CPLX2: variants seen among roughly 807,000 people sequenced by gnomAD.
CPLX2 encodes the protein complexin-2.
CPLX2 carries 5 observed loss-of-function variants against 16.3 expected under a neutral mutation model. The observed-to-expected ratio is 0.31, with a 90% CI of 0.16 to 0.64. The LOEUF (loss-of-function observed/expected upper bound fraction) is 0.64, where lower values mean the gene tolerates loss of function less well. CPLX2 is among the 30% of genes least tolerant of loss of function. The probability of loss-of-function intolerance (pLI) is 0.79; values close to 1 mark genes in which losing one functional copy is unlikely to be tolerated. For synonymous variants in CPLX2, 89 were observed against 73.2 expected (o/e 1.22, Z -1.10); for missense variants, 144 against 181.4 (o/e 0.79, Z 1.18).
intron 2 of CPLX2, among the ~76,000 whole-genome samples, chr5:175,835,684 A>C (rs1286756356): frequency 4.0e-5 from 6 of 150,140 alleles, no homozygotes; most frequent in Admixed American, 1.3e-4. Context: ...TAGTAAGAGA[A>C]GTCTTTGTTG....
chr5:175,814,578 T>C (rs1322063291), intron 2 of CPLX2, among the ~76,000 whole-genome samples: 1 of 152,106 alleles, frequency 6.6e-6, no homozygotes, highest in Non-Finnish European at 1.5e-5. Flanking sequence ...CCTCAACAGT[T>C]CACAGCAGCC....
chr5:175,810,620 ATT>A (rs1308536891), intron 2 of CPLX2, among the ~76,000 whole-genome samples: 1 of 152,204 alleles, frequency 6.6e-6, no homozygotes, highest in Non-Finnish European at 1.5e-5. Context: ...TGGGGAACCC[ATT>A]TGGAAAAGCA....
intron 2 of CPLX2, among the ~76,000 whole-genome samples, chr5:175,840,970 C>T (rs1758934323): frequency 6.6e-6 from 1 of 152,124 alleles, no homozygotes; most frequent in East Asian, 1.9e-4. Context: ...AAACCAGGGC[C>T]CAGGAAAGTG....
intron 2 of CPLX2, among the ~76,000 whole-genome samples, chr5:175,819,420 G>C (rs890744932): frequency 6.6e-6 from 1 of 152,196 alleles, no homozygotes; most frequent in Non-Finnish European, 1.5e-5. Flanking sequence ...GGTATTTTCC[G>C]TCTTTTCCAT....
chr5:175,836,038 C>T (rs1244205674), intron 2 of CPLX2, among the ~76,000 whole-genome samples: 3 of 152,210 alleles, frequency 2.0e-5, no homozygotes, highest in Admixed American at 6.5e-5. Context: ...CGCGCCCAGC[C>T]GCAAATGGCT....
chr5:175,856,681 T>G (rs1272847448), intron 2 of CPLX2, among the ~76,000 whole-genome samples: 1 of 152,120 alleles, frequency 6.6e-6, no homozygotes, highest in Non-Finnish European at 1.5e-5. Context: ...GGTCCTCAGT[T>G]TCCTCATCTA....
At chr5:175,865,579 C>T (rs970577514) in intron 2 of CPLX2, among the ~76,000 whole-genome samples, 3 of 152,164 alleles carry the variant, frequency 2.0e-5, no homozygotes, top group South Asian at 2.1e-4. Flanking sequence ...CACTGAGATT[C>T]ATAGAATTTA....
chr5:175,834,526 G>T (rs932853889), intron 2 of CPLX2, among the ~76,000 whole-genome samples: 4 of 152,140 alleles, frequency 2.6e-5, no homozygotes, highest in African/African-American at 9.7e-5. Flanking sequence ...AGCACAGTGG[G>T]CGGGGTAGCA....
At chr5:175,863,725 G>C (rs1759411844) in intron 2 of CPLX2, among the ~76,000 whole-genome samples, 1 of 152,160 alleles carries the variant, frequency 6.6e-6, no homozygotes, top group Admixed American at 6.5e-5. Flanking sequence ...GAGTGGCCCA[G>C]AGCAGCCATT....
At chr5:175,844,212 C>A (rs62387098) in intron 2 of CPLX2, among the ~76,000 whole-genome samples, 18 of 152,226 alleles carry the variant, frequency 1.2e-4, no homozygotes, top group Non-Finnish European at 2.2e-4. Context: ...CCAAGAGGAA[C>A]AGCCAGAGGC....
At chr5:175,819,847 C>G (rs984679752) in intron 2 of CPLX2, among the ~76,000 whole-genome samples, 1 of 152,194 alleles carries the variant, frequency 6.6e-6, no homozygotes, top group Admixed American at 6.5e-5. Context: ...GAGAGGACAG[C>G]TGGGATGTTC....
At chr5:175,876,427 G>C (rs1440729345) in intron 1 of CPLX2, among the ~76,000 whole-genome samples, 1 of 152,096 alleles carries the variant, frequency 6.6e-6, no homozygotes, top group African/African-American at 2.4e-5. Context: ...AAGAAGAGGA[G>C]TCAGAAAAGG....
At chr5:175,825,377 A>C (rs1758593070) in intron 2 of CPLX2, among the ~76,000 whole-genome samples, 1 of 151,634 alleles carries the variant, frequency 6.6e-6, no homozygotes, top group Admixed American at 6.6e-5. Context: ...CGACAGAGCG[A>C]GACTCTGTCT....
rs79173727 is a variant in CPLX2 at position 175,873,207 on chromosome 5, C to T, written c.-89+1502C>T. 5.1e-4 allele frequency among the ~76,000 whole-genome samples: 77 copies of T among 151,422 alleles called. No homozygotes were observed. In the East Asian group the frequency reaches 0.015, roughly 29 times the overall value. ...CTCCTGGCGGCCTGGCCCAAATCCT[C>T]AACTGCCGGCAACCTGCTGGACCTC... On this transcript the variant is annotated intron_variant, in intron 1 of 3. Transcript: ENST00000393745.
chr5:175,818,552 C>A (rs1212654063), intron 2 of CPLX2, among the ~76,000 whole-genome samples: 2 of 151,986 alleles, frequency 1.3e-5, no homozygotes, highest in Non-Finnish European at 2.9e-5. Flanking sequence ...CCCACGTAAC[C>A]TTCCCCAGCT....
At chr5:175,852,621 G>T (rs970414857) in intron 2 of CPLX2, among the ~76,000 whole-genome samples, 1 of 152,206 alleles carries the variant, frequency 6.6e-6, no homozygotes, top group East Asian at 1.9e-4. Flanking sequence ...GGGAAACTGA[G>T]GATCAGAGAG....
At chr5:175,865,907 C>T (rs1424660898) in intron 2 of CPLX2, among the ~76,000 whole-genome samples, 1 of 152,192 alleles carries the variant, frequency 6.6e-6, no homozygotes, top group Non-Finnish European at 1.5e-5. Context: ...TAGGAGTGGG[C>T]TACTCTTTGA....
chr5:175,827,108 T>C (rs1048786428), intron 2 of CPLX2, among the ~76,000 whole-genome samples: 1 of 152,120 alleles, frequency 6.6e-6, no homozygotes, highest in African/African-American at 2.4e-5. Context: ...AACAGCCCCA[T>C]CAAAAGTTCC....
chr5:175,818,958 C>T lies in CPLX2; in HGVS notation c.-89+9890C>T, dbSNP rs139472911. On this transcript the variant is annotated intron_variant, in intron 2 of 4. Coordinates refer to the CPLX2 transcript ENST00000359546. ...GATTACAGGCGTGAGCCACCGCGCC[C>T]GGCCCCGACTTCTAATTTCATAGAT... 5.2e-3 allele frequency among the ~76,000 whole-genome samples: 797 copies of T among 152,186 alleles called. 5 individuals carry two copies. The highest frequency in any genetic ancestry group is 0.016 in the African/African-American group (672 of 41,524).
Sources: allele counts gnomAD v4.1 joint callset (sites outside exome capture counted in the v4.1 genomes callset), GRCh38; gene constraint gnomAD v4.1.1; transcripts MANE v1.5; gene names NCBI Gene and HGNC (gene_info 2026-07-23, HGNC 2026-07-21).